Variants in TBC1D30 observed in about 807,000 individuals in gnomAD.
TBC1D30 encodes TBC1 domain family member 30.
In TBC1D30, 31 loss-of-function variants were observed where a neutral mutation model predicts 63.2. That is an observed-to-expected ratio of 0.49 (90% CI 0.37 to 0.66). The LOEUF is 0.66. TBC1D30 is among the 30% of genes least tolerant of loss of function. The probability of loss-of-function intolerance (pLI) is 0.00; values close to 1 mark genes in which losing one functional copy is unlikely to be tolerated. For synonymous variants in TBC1D30, 307 were observed against 361.5 expected, an observed-to-expected ratio of 0.85 and a Z score of 1.71; for missense variants, 810 against 953.6, an observed-to-expected ratio of 0.85 and a Z score of 1.98.
chr12:64,779,141 C>T (rs779507838), upstream of TBC1D30: 1 of 152,086 alleles, frequency 6.6e-6, no homozygotes, highest in Non-Finnish European at 1.5e-5. Context: ...TGAAGACTAA[C>T]AGTTAATCAC....
In TBC1D30 at chr12:64,787,717, G is replaced by A. The variant is rs77953920; in HGVS notation, c.643+1672G>A. Among the ~76,000 whole-genome samples, 961 of 152,216 alleles carry A rather than the reference G, an allele frequency of 6.3e-3. 4 individuals are homozygous for A. The highest frequency in any genetic ancestry group is 0.013 in the Admixed American group (197 of 15,286). ...AGTATTATTTATGCTGTTTATTAAA[G>A]AAGGTTTTACCTAATAGATATTAAC... On this transcript the variant is annotated intron_variant, in intron 2 of 12. Transcript: ENST00000542120.
At position 64,877,805 on chromosome 12, in the gene TBC1D30, A is replaced by G. The variant is rs1592674253; in HGVS notation, c.*2017A>G. On this transcript the variant is annotated 3_prime_UTR_variant, in exon 12 of 12. Transcript: ENST00000539867. ...ATATCCTTTTCTTTGCCCCTTCTCAAATGAGTCAGAATAGTCATGTTCCCC... is the reference window on the plus strand; with the variant it reads ...ATATCCTTTTCTTTGCCCCTTCTCAGATGAGTCAGAATAGTCATGTTCCCC... 6.6e-6 allele frequency: 1 copy of G among 152,300 alleles called. No individual in the cohort carries two copies. The allele number at this position is 152,300 out of a possible 1,614,324, so 9.4% of individuals were successfully genotyped here. A position where few individuals can be genotyped will look rare whatever the true frequency, so the allele number is the denominator to read the frequency against.
intron 9 of TBC1D30, among the ~76,000 whole-genome samples, chr12:64,866,017 G>A (rs549741672): frequency 1.1e-4 from 17 of 152,134 alleles, no homozygotes; most frequent in Non-Finnish European, 1.8e-4. Context: ...CCACAGGCAC[G>A]TACCACCGTG....
chr12:64,786,512 A>G (rs1458412839), intron 2 of TBC1D30, among the ~76,000 whole-genome samples: 2 of 151,946 alleles, frequency 1.3e-5, no homozygotes, highest in African/African-American at 4.8e-5. Context: ...TTGTATTTTT[A>G]GTAGAGACGA....
At chr12:64,805,845 AAAATAAAAT>A (rs1317784227) in intron 2 of TBC1D30, among the ~76,000 whole-genome samples, 2 of 149,846 alleles carry the variant, frequency 1.3e-5, no homozygotes, top group Non-Finnish European at 3.0e-5. Context: ...AAAATAAAAT[AAAATAAAAT>A]AAATAAAATA....
At chr12:64,867,637 C>A (rs186429987) in intron 10 of TBC1D30, among the ~76,000 whole-genome samples, 26 of 152,178 alleles carry the variant, frequency 1.7e-4, no homozygotes, top group Middle Eastern at 3.4e-3. Flanking sequence ...TTAGCACAGA[C>A]CCTGGCATAT....
chr12:64,818,453 T>A (rs1565655397), intron 2 of TBC1D30: 1 of 910,626 alleles, frequency 1.1e-6, no homozygotes, highest in South Asian at 5.1e-5. Flanking sequence ...TTTTTTTTTT[T>A]AGACAGTCTC....
chr12:64,792,632 C>T (rs1052097520), intron 2 of TBC1D30, among the ~76,000 whole-genome samples: 8 of 152,094 alleles, frequency 5.3e-5, no homozygotes, highest in Non-Finnish European at 7.4e-5. Flanking sequence ...TGCAGTGGTG[C>T]GATGTTGGCT....
chr12:64,828,369 A>T, intron 2 of TBC1D30, 75 bp from the exon 3 acceptor site: 2 of 1,090,680 alleles, frequency 1.8e-6, no homozygotes, highest in Non-Finnish European at 2.7e-6. Context: ...TATGAATGTC[A>T]AGATGGGAAA....
rs1879393314 is a variant in TBC1D30 at position 64,880,497 on chromosome 12, T to C, written c.*4709T>C. 1 of 152,252 alleles carries C rather than the reference T, an allele frequency of 6.6e-6. No individual in the cohort carries two copies. Among genetic ancestry groups the C allele is most frequent in the African/African-American group, 2.4e-5 (1 of 41,454 alleles). The allele number at this position is 152,252 out of a possible 1,614,324, so 9.4% of individuals were successfully genotyped here. A position where few individuals can be genotyped will look rare whatever the true frequency, so the allele number is the denominator to read the frequency against. ...TGCAGATGGCTACCTTCTCACTGTG[T>C]CCTCACACAATGGAGAAAGGGAGTA... is the stretch of plus-strand genomic sequence containing the variant. On this transcript the variant is annotated 3_prime_UTR_variant, in exon 12 of 12. Coordinates refer to ENST00000539867, the MANE Select transcript of TBC1D30 (RefSeq NM_015279.2).
rs562295243 is a variant in TBC1D30, at chr12:64,805,701, C to A, written c.643+19656C>A. Among the ~76,000 whole-genome samples the A allele has an allele frequency of 5.5e-4, 84 of 152,040 alleles. 1 individual carries two copies. Among genetic ancestry groups the A allele is most frequent in the Admixed American group, 1.1e-3 (17 of 15,286 alleles). On this transcript the variant is annotated intron_variant, in intron 2 of 12. Transcript: ENST00000542120. ...TACAAAAATTAGTCGGGCGTGGTGG[C>A]GGGCACCTGTAGTCCCAGCTACTTG...
intron 8 of TBC1D30, among the ~76,000 whole-genome samples, chr12:64,856,995 G>A (rs563338782): frequency 6.6e-6 from 1 of 152,008 alleles, no homozygotes; most frequent in Non-Finnish European, 1.5e-5. Context: ...AGGGCAGTGG[G>A]CTCCCCACTG....
At chr12:64,791,086 A>G (rs1031454508) in intron 2 of TBC1D30, among the ~76,000 whole-genome samples, 16 of 152,248 alleles carry the variant, frequency 1.1e-4, no homozygotes, top group South Asian at 4.1e-4. Flanking sequence ...TTATTCATAT[A>G]ATTGAATATT....
intron 2 of TBC1D30, among the ~76,000 whole-genome samples, chr12:64,790,959 T>C (rs192458242): frequency 8.5e-4 from 129 of 152,300 alleles, no homozygotes; most frequent in African/African-American, 3.0e-3. Flanking sequence ...ATTGAAGACA[T>C]ATGTCCCCAC....
At chr12:64,825,885 C>G (rs1037283355) in intron 1 of TBC1D30, among the ~76,000 whole-genome samples, 1 of 152,176 alleles carries the variant, frequency 6.6e-6, no homozygotes, top group African/African-American at 2.4e-5. Context: ...CGGTCCCCGG[C>G]CCCCGCCCCC....
At chr12:64,802,442 A>C (rs1592564093) in intron 2 of TBC1D30, among the ~76,000 whole-genome samples, 1 of 149,184 alleles carries the variant, frequency 6.7e-6, no homozygotes, top group East Asian at 2.0e-4. Context: ...ACCTGGGACG[A>C]CTCTTCCTGC....
intron 11 of TBC1D30, among the ~76,000 whole-genome samples, chr12:64,874,020 G>C (rs955318337): frequency 1.3e-5 from 2 of 152,200 alleles, no homozygotes; most frequent in African/African-American, 4.8e-5. Context: ...ATTGGAAATA[G>C]GAGTCTGGTC....
chr12:64,825,234 C>A, intron 1 of TBC1D30: 1 of 582,708 alleles, frequency 1.7e-6, no homozygotes, highest in Non-Finnish European at 2.7e-6. Flanking sequence ...GGTGGGGCAG[C>A]GGCCACCCCA....
chr12:64,866,858 G>A lies in TBC1D30; in HGVS notation c.1246G>A (p.Gly416Arg). Residue 416 changes from glycine (G) to arginine (R), a missense_variant, in exon 10 of 12, where the codon GGG (glycine) becomes AGG (arginine). Gly to Arg is a moderately radical substitution (Grantham distance 125). Around this residue, in one of 4 missense-constraint regions of TBC1D30, gnomAD observed 450 missense variants for 473.0 expected, o/e 0.95. Transcript: ENST00000539867. ...NAVGCLGPFS[G>R]FLAPELQKYQ... ...AGTGGGGTGTCTTGGACCTTTTAGT[G>A]GGTTCCTGGCTCCTGAACTGCAGAA... is the stretch of plus-strand genomic sequence containing the variant. 10 of 1,536,216 alleles carry A rather than the reference G, an allele frequency of 6.5e-6. No homozygotes were observed. The highest frequency in any genetic ancestry group is 8.7e-6 in the Non-Finnish European group (10 of 1,146,922).
Sources: allele counts gnomAD v4.1 joint callset (sites outside exome capture counted in the v4.1 genomes callset), GRCh38; gene constraint gnomAD v4.1.1; regional missense constraint gnomAD v4.1.1; transcripts MANE v1.5; gene names NCBI Gene and HGNC (gene_info 2026-07-23, HGNC 2026-07-21).